Variants in FHIT observed in about 807,000 individuals in gnomAD.
FHIT encodes the protein bis(5'-adenosyl)-triphosphatase.
A neutral mutation model predicts 17.9 loss-of-function variants in FHIT; 19 were observed. The observed-to-expected ratio is 1.06, with a 90% CI of 0.74 to 1.56. The LOEUF (loss-of-function observed/expected upper bound fraction) is 1.56. Ranked by LOEUF, FHIT falls within the 40% of genes most tolerant of loss-of-function variation. FHIT has a pLI of 0.00. For missense variants in FHIT, 248 were observed against 189.2 expected (o/e 1.31, Z -1.82); for synonymous variants, 81 against 69.7 (o/e 1.16, Z -0.81).
chr3:59,888,527 G>T (rs1277440440), intron 8 of FHIT, among the ~76,000 whole-genome samples: 2 of 152,086 alleles, frequency 1.3e-5, no homozygotes, highest in Non-Finnish European at 2.9e-5. Flanking sequence ...TTATTCACTG[G>T]TATATATTCT....
intron 4 of FHIT, among the ~76,000 whole-genome samples, chr3:60,718,564 C>A (rs1735469): frequency 1.3e-5 from 2 of 152,166 alleles, no homozygotes; most frequent in Non-Finnish European, 2.9e-5. Context: ...TTATAATGTT[C>A]TTCTAGATGC....
At chr3:61,234,223 G>A (rs2040173289) in intron 1 of FHIT, among the ~76,000 whole-genome samples, 2 of 152,122 alleles carry the variant, frequency 1.3e-5, no homozygotes, top group Non-Finnish European at 2.9e-5. Context: ...TTGCTGCAAA[G>A]AAAAACCAGG....
chr3:60,321,667 T>C (rs1403343485), intron 5 of FHIT, among the ~76,000 whole-genome samples: 1 of 152,224 alleles, frequency 6.6e-6, no homozygotes, highest in East Asian at 1.9e-4. Flanking sequence ...ATATGATTTC[T>C]GTCTCAGTCT....
chr3:61,030,122 A>G (rs2032939574), intron 3 of FHIT, among the ~76,000 whole-genome samples: 1 of 152,190 alleles, frequency 6.6e-6, no homozygotes, highest in Admixed American at 6.5e-5. Flanking sequence ...GGCATGTACC[A>G]CCACGCCTGG....
chr3:60,737,228 G>A (rs1553712833), intron 4 of FHIT, among the ~76,000 whole-genome samples: 2 of 152,174 alleles, frequency 1.3e-5, no homozygotes, highest in African/African-American at 4.8e-5. Flanking sequence ...ACTACATTAT[G>A]AGCCGGATGC....
chr3:61,227,188 A>G (rs905729299), intron 1 of FHIT, among the ~76,000 whole-genome samples: 3 of 152,208 alleles, frequency 2.0e-5, no homozygotes, highest in African/African-American at 4.8e-5. Flanking sequence ...CCATTAAGAC[A>G]AAGGCCTCAG....
intron 5 of FHIT, among the ~76,000 whole-genome samples, chr3:60,484,742 T>C (rs375568789): frequency 6.6e-6 from 1 of 151,228 alleles, no homozygotes; most frequent in East Asian, 1.9e-4. Flanking sequence ...GGCAATACCA[T>C]TGGGCAAAGA....
chr3:61,200,528 T>A (rs891392051), intron 2 of FHIT, 89 bp downstream of exon 2: 1 of 152,658 alleles, frequency 6.6e-6, no homozygotes, highest in Non-Finnish European at 1.5e-5. Flanking sequence ...CAGCTATATC[T>A]TTAGTCCAAG....
chr3:59,960,402 T>G (rs995971587), intron 7 of FHIT, among the ~76,000 whole-genome samples: 2 of 152,202 alleles, frequency 1.3e-5, no homozygotes, highest in Non-Finnish European at 2.9e-5. Flanking sequence ...ATCCCTAGAT[T>G]TCTGACCTGA....
At chr3:59,863,547 A>C (rs1702499255) in intron 8 of FHIT, among the ~76,000 whole-genome samples, 1 of 152,170 alleles carries the variant, frequency 6.6e-6, no homozygotes, top group Non-Finnish European at 1.5e-5. Context: ...AGTGACCATA[A>C]ACCCAATGAA....
chr3:61,045,357 A>G (rs1288596016), intron 2 of FHIT, among the ~76,000 whole-genome samples: 2 of 152,224 alleles, frequency 1.3e-5, no homozygotes, highest in African/African-American at 4.8e-5. Flanking sequence ...CTGATAAAAC[A>G]GACTTTAAAC....
At chr3:61,028,082 A>T (rs1192629983) in intron 3 of FHIT, among the ~76,000 whole-genome samples, 4 of 152,204 alleles carry the variant, frequency 2.6e-5, no homozygotes. Context: ...GTTGGGTTAT[A>T]AATGGTTTTA....
intron 2 of FHIT, among the ~76,000 whole-genome samples, chr3:61,114,823 G>C (rs2036254386): frequency 6.6e-6 from 1 of 152,118 alleles, no homozygotes; most frequent in African/African-American, 2.4e-5. Context: ...TATCCTGCCA[G>C]GGAAGTGAAG....
chr3:60,860,316 A>ACATACATCATAT (rs1703636344), intron 3 of FHIT, among the ~76,000 whole-genome samples: 2 of 147,572 alleles, frequency 1.4e-5, no homozygotes, highest in Admixed American at 6.7e-5. Context: ...TGTATACATG[A>ACATACATCATAT]GATACATCAT....
At chr3:60,121,709 AACACACAC>A (rs57250663) in intron 5 of FHIT, among the ~76,000 whole-genome samples, 1,725 of 116,384 alleles carry the variant, frequency 0.015, 37 homozygotes, top group African/African-American at 0.053. Flanking sequence ...AAACAAAACA[AACACACAC>A]ACACACACAC....
At chr3:61,230,751 A>G (rs2040079487) in intron 1 of FHIT, among the ~76,000 whole-genome samples, 1 of 152,152 alleles carries the variant, frequency 6.6e-6, no homozygotes, top group Non-Finnish European at 1.5e-5. Context: ...GCTTGGCAGA[A>G]TTAAAAGTTA....
chr3:59,839,540 C>G (rs990768223), intron 8 of FHIT, among the ~76,000 whole-genome samples: 1 of 152,048 alleles, frequency 6.6e-6, no homozygotes, highest in Non-Finnish European at 1.5e-5. Flanking sequence ...GTTGATGAAG[C>G]AGCTCTGCCT....
At chr3:60,752,727 T>C (rs1341548806) in intron 4 of FHIT, among the ~76,000 whole-genome samples, 1 of 152,144 alleles carries the variant, frequency 6.6e-6, no homozygotes, top group Non-Finnish European at 1.5e-5. Context: ...AATATGTTTC[T>C]CAAAACTTAA....
intron 4 of FHIT, among the ~76,000 whole-genome samples, chr3:60,576,551 C>A (rs564858572): frequency 7.2e-5 from 11 of 152,264 alleles, no homozygotes; most frequent in East Asian, 1.9e-4. Flanking sequence ...AGAAAAGCAA[C>A]TTTTTGTTTC....
Sources: allele counts gnomAD v4.1 joint callset (sites outside exome capture counted in the v4.1 genomes callset), GRCh38; gene constraint gnomAD v4.1.1; transcripts MANE v1.5; gene names NCBI Gene and HGNC (gene_info 2026-07-23, HGNC 2026-07-21).